YKT6: variants seen among roughly 807,000 people sequenced by gnomAD.
The protein encoded by YKT6 is YKT6 vesicular SNARE protein.
A neutral mutation model predicts 29.3 loss-of-function variants in YKT6; 12 were observed. The observed-to-expected ratio is 0.41, with a 90% CI of 0.26 to 0.66. YKT6 has a LOEUF of 0.66. Among genes scored for constraint, YKT6 ranks in the 30% least tolerant of loss-of-function variants. The pLI is 0.32. For synonymous variants in YKT6, 86 were observed against 94.3 expected (o/e 0.91, Z 0.51); for missense variants, 188 against 243.8 (o/e 0.77, Z 1.52).
rs1363260411 is a variant in YKT6 at position 44,201,070 on chromosome 7, G to A, written c.-66G>A. 1 of 1,409,944 alleles carries A rather than the reference G, an allele frequency of 7.1e-7. No homozygotes were observed. The highest frequency in any genetic ancestry group is 9.5e-7 in the Non-Finnish European group (1 of 1,057,542). 87.3% of individuals were successfully genotyped at this position (1,409,944 alleles called of 1,614,324 possible). A position where few individuals can be genotyped will look rare whatever the true frequency, so the allele number is the denominator to read the frequency against. On this transcript the variant is annotated 5_prime_UTR_variant, in exon 1 of 7. Coordinates refer to ENST00000223369, the MANE Select transcript of YKT6 (RefSeq NM_006555.4). ...GGCGGCGGCGGTCCCGAGGGGCGGC[G>A]GCCGCGCTGCTCCCTGAGAACGGGT...
chr7:44,207,294 C>A, intron 3 of YKT6, 94 bp from the exon 4 acceptor site: 2 of 1,022,386 alleles, frequency 2.0e-6, no homozygotes, highest in East Asian at 5.1e-5. Context: ...CAAGGAGCCT[C>A]ATTCAGGGTG....
chr7:44,206,238 TA>T, intron 2 of YKT6, 146 bp from the exon 3 acceptor site: 1 of 742,926 alleles, frequency 1.3e-6, no homozygotes, highest in Admixed American at 2.3e-5. Flanking sequence ...GCTGTGCTGC[TA>T]AGCCTCTCCA....
At chr7:44,201,560 C>G (rs2096335777) in intron 1 of YKT6, among the ~76,000 whole-genome samples, 1 of 152,218 alleles carries the variant, frequency 6.6e-6, no homozygotes, top group Non-Finnish European at 1.5e-5. Flanking sequence ...GTTCTCTACT[C>G]AGTGTTTTTC....
intron 5 of YKT6, 93 bp downstream of exon 5, chr7:44,208,291 T>C (rs960650946): frequency 5.1e-6 from 7 of 1,385,528 alleles, no homozygotes; most frequent in African/African-American, 2.9e-5. Flanking sequence ...CGTTTTAATA[T>C]AATAGTAACC....
chr7:44,204,913 G>A lies in YKT6; in HGVS notation c.187+263G>A, dbSNP rs1430532233. Among the ~76,000 whole-genome samples, 3 of 152,154 alleles carry A rather than the reference G, an allele frequency of 2.0e-5. No homozygotes were observed. The East Asian group carries it at 5.8e-4, about 29-fold the overall frequency. ...TGGAGCAGTAAGCAGCCTTCATATC[G>A]TATTCTTCCCTATCCTCTTCAGAGT... On this transcript the variant is annotated intron_variant, in intron 2 of 6. Transcript: ENST00000223369.
intron 5 of YKT6, 92 bp from the exon 6 acceptor site, chr7:44,210,931 G>C: frequency 7.4e-7 from 1 of 1,353,642 alleles, no homozygotes; most frequent in South Asian, 1.2e-5. Flanking sequence ...GAGGAACCCA[G>C]GTAAGGCACT....
rs1466941798 is a variant in YKT6, at chr7:44,211,106, T to C, written c.543T>C (p.Ser181=). ...AATCCGAGGTGCTGGGAACACAGTC[T>C]AAAGCCTTCTATAAAACTGTGAGTA... ...VSKSEVLGTQ[S]KAFYKTARKQ... Residue 181 remains serine, a synonymous_variant, in exon 6 of 7, where the codon TCT becomes TCC. Coordinates refer to ENST00000223369, the MANE Select transcript of YKT6 (RefSeq NM_006555.4). 1.9e-6 allele frequency: 3 copies of C among 1,613,944 alleles called. No homozygotes were observed. Among genetic ancestry groups the C allele is most frequent in the Non-Finnish European group, 1.7e-6 (2 of 1,180,008 alleles).
chr7:44,207,845 C>T (rs956735347), intron 4 of YKT6, among the ~76,000 whole-genome samples: 1 of 152,194 alleles, frequency 6.6e-6, no homozygotes, highest in Non-Finnish European at 1.5e-5. Context: ...CCTGCCTCAG[C>T]CTCCCGAGTA....
At chr7:44,206,250 C>A in intron 2 of YKT6, 135 bp from the exon 3 acceptor site, 1 of 828,590 alleles carries the variant, frequency 1.2e-6, no homozygotes, top group Non-Finnish European at 1.9e-6. Flanking sequence ...AGCCTCTCCA[C>A]AAGACTTGCC....
In YKT6 at chr7:44,211,016, T is replaced by C; in HGVS notation, c.460-7T>C. 1 of 1,613,806 alleles carries C rather than the reference T, an allele frequency of 6.2e-7. No homozygotes were observed. ...CAGAGCTGGATTCTCTTTTCTTTTT[T>C]GTCCAGCACAACACCATGGAGTCTC... is the stretch of plus-strand genomic sequence containing the variant. On this transcript the variant is annotated splice_polypyrimidine_tract_variant and splice_region_variant and intron_variant, in intron 5 of 6. Coordinates refer to ENST00000223369, the MANE Select transcript of YKT6 (RefSeq NM_006555.4).
chr7:44,204,291 A>G (rs977297746), intron 1 of YKT6, among the ~76,000 whole-genome samples: 9 of 152,202 alleles, frequency 5.9e-5, no homozygotes, highest in Admixed American at 5.9e-4. Context: ...GCATTCACCA[A>G]AATGTAAAAT....
Position 44,201,003 on chromosome 7 carries a change from C to T in YKT6, c.-133C>T, listed in dbSNP as rs1358004691. On this transcript the variant is annotated 5_prime_UTR_variant, in exon 1 of 7. Coordinates refer to ENST00000223369, the MANE Select transcript of YKT6 (RefSeq NM_006555.4). ...GGATTGCGAGCCAGGAGGAGGAAGC[C>T]GGCGGTGGCCCCGTCAGCAGCCGGC... 6 of 647,228 alleles carry T rather than the reference C, an allele frequency of 9.3e-6. No individual in the cohort carries two copies. Among genetic ancestry groups the T allele is most frequent in the African/African-American group, 4.0e-5 (2 of 50,144 alleles). The allele number at this position is 647,228 out of a possible 1,614,324, so 40.1% of individuals were successfully genotyped here.
chr7:44,210,864 A>G (rs764925725), intron 5 of YKT6, 159 bp from the exon 6 acceptor site: 3 of 701,328 alleles, frequency 4.3e-6, no homozygotes, highest in Admixed American at 2.0e-5. Flanking sequence ...CCACTTGGAC[A>G]GTAACTATTC....
chr7:44,211,923 A>G (rs2096347233), intron 6 of YKT6, among the ~76,000 whole-genome samples: 1 of 152,244 alleles, frequency 6.6e-6, no homozygotes, highest in Non-Finnish European at 1.5e-5. Flanking sequence ...ATATTCTGCC[A>G]ATCCCATTTG....
chr7:44,207,882 C>T (rs989704375), intron 4 of YKT6, among the ~76,000 whole-genome samples: 6 of 152,096 alleles, frequency 3.9e-5, no homozygotes, highest in African/African-American at 1.2e-4. Flanking sequence ...TGTGCCACCA[C>T]GCCTGGCTAA....
chr7:44,201,120 C>T lies in YKT6; in HGVS notation c.-16C>T. 6.4e-7 allele frequency: 1 copy of T among 1,564,456 alleles called. No homozygotes were observed. Among genetic ancestry groups the T allele is most frequent in the Non-Finnish European group, 8.6e-7 (1 of 1,159,036 alleles). On this transcript the variant is annotated 5_prime_UTR_variant, in exon 1 of 7. Transcript: ENST00000223369. ...TCCCGCAGCTGGGCAGGCGGGCGGC[C>T]TGAGGGCGCGGAGCCATGAAGCTGT...
Position 44,208,271 on chromosome 7 carries a change from G to A in YKT6, c.459+73G>A, listed in dbSNP as rs1428141569. On this transcript the variant is annotated intron_variant, in intron 5 of 6. Coordinates refer to ENST00000223369, the MANE Select transcript of YKT6 (RefSeq NM_006555.4). ...GATTTCCACTGGCCAGGCATGCACAGATCCATCCTCGTTTTAATATAATAG... is the reference window on the plus strand; with the variant it reads ...GATTTCCACTGGCCAGGCATGCACAAATCCATCCTCGTTTTAATATAATAG... 3 of 1,515,800 alleles carry A rather than the reference G, an allele frequency of 2.0e-6. No homozygotes were observed. The Admixed American group carries it at 5.2e-5, about 26-fold the overall frequency. The allele number at this position is 1,515,800 out of a possible 1,614,324, so 93.9% of individuals were successfully genotyped here.
In YKT6 at chr7:44,213,985, G is replaced by A. The variant is rs1021950232; in HGVS notation, c.*1703G>A. ...GAGTGGAGTGGGCCTGGATCCGAGG[G>A]ATGCTACCTCTCCCTTTCCCACTTG... On this transcript the variant is annotated 3_prime_UTR_variant, in exon 7 of 7. Transcript: ENST00000223369. 1.3e-5 allele frequency: 2 copies of A among 152,434 alleles called. No individual in the cohort carries two copies. Among genetic ancestry groups the A allele is most frequent in the African/African-American group, 4.8e-5 (2 of 41,466 alleles). 9.4% of individuals were successfully genotyped at this position (152,434 alleles called of 1,614,324 possible).
intron 5 of YKT6, 24 bp downstream of exon 5, chr7:44,208,222 G>C: frequency 6.2e-7 from 1 of 1,613,412 alleles, no homozygotes; most frequent in Non-Finnish European, 8.5e-7. Flanking sequence ...TGGAGAGCAA[G>C]CCCAAGAACT....
Sources: gnomAD v4.1 joint callset for allele counts (sites outside exome capture counted in the v4.1 genomes callset) on GRCh38, gnomAD v4.1.1 for gene constraint, MANE v1.5 for transcripts, NCBI Gene and HGNC (gene_info 2026-07-23, HGNC 2026-07-21) for gene names.